Variants in ATOX1 observed in about 807,000 individuals in gnomAD.
The protein encoded by ATOX1 is antioxidant 1 copper chaperone.
Under a neutral mutation model 7.3 loss-of-function variants are expected in ATOX1, and 4 were observed. That is an observed-to-expected ratio of 0.55 (90% CI 0.27 to 1.25). The LOEUF is 1.25. ATOX1 is among the 50% of genes most tolerant of loss of function. The pLI is 0.12. For synonymous variants in ATOX1, 25 were observed against 28.7 expected, an observed-to-expected ratio of 0.87 and a Z score of 0.41; for missense variants, 68 against 81.6, an observed-to-expected ratio of 0.83 and a Z score of 0.64.
chr5:151,752,234 C>T, intron 1 of ATOX1: 2 of 702,538 alleles, frequency 2.8e-6, no homozygotes. Flanking sequence ...CTACAGCTTG[C>T]AAAAACTACA....
intron 2 of ATOX1, 87 bp downstream of exon 2, chr5:151,751,617 G>A (rs903597252): frequency 1.4e-6 from 2 of 1,387,468 alleles, no homozygotes; most frequent in Admixed American, 4.3e-5. Flanking sequence ...TTACTGTTAT[G>A]ATCAGCTTAA....
Position 151,751,969 on chromosome 5 carries a change from C to T in ATOX1, c.7-190G>A, listed in dbSNP as rs368468342. 3.9e-5 allele frequency: 24 copies of T among 608,578 alleles called. No individual in the cohort carries two copies. In the African/African-American group the frequency reaches 4.3e-4, roughly 11 times the overall value. The allele number at this position is 608,578 out of a possible 1,614,324, so 37.7% of individuals were successfully genotyped here. ...CTATAGAGTAGCTAAGAGTTTCTACCTCACAAGTTGTATTCAATGGAATCA... is the reference window on the plus strand; with the variant it reads ...CTATAGAGTAGCTAAGAGTTTCTACTTCACAAGTTGTATTCAATGGAATCA... On this transcript the variant is annotated intron_variant, in intron 1 of 3. Transcript: ENST00000313115.
At chr5:151,753,657 T>C (rs1017036839) in intron 1 of ATOX1, among the ~76,000 whole-genome samples, 2 of 152,162 alleles carry the variant, frequency 1.3e-5, no homozygotes. Context: ...GCTAACTCAA[T>C]TTTTTTCAAC....
chr5:151,753,034 C>T (rs1052049002), intron 1 of ATOX1, among the ~76,000 whole-genome samples: 7 of 152,212 alleles, frequency 4.6e-5, no homozygotes, highest in African/African-American at 1.7e-4. Flanking sequence ...TGACTTCTGT[C>T]TTGCTCCATT....
At chr5:151,757,477 GA>G (rs1762032608) in intron 1 of ATOX1, among the ~76,000 whole-genome samples, 1 of 152,200 alleles carries the variant, frequency 6.6e-6, no homozygotes, top group Non-Finnish European at 1.5e-5. Context: ...AGACCCACAG[GA>G]AATGACACCT....
At chr5:151,751,940 T>C in intron 1 of ATOX1, 161 bp from the exon 2 acceptor site, 1 of 644,822 alleles carries the variant, frequency 1.6e-6, no homozygotes, top group Non-Finnish European at 2.7e-6. Context: ...GCCCGTCTCT[T>C]CAACTATAGA....
intron 1 of ATOX1, 57 bp downstream of exon 1, chr5:151,758,489 G>A: frequency 1.4e-6 from 2 of 1,476,102 alleles, no homozygotes; most frequent in South Asian, 1.3e-5. Flanking sequence ...CGGCTGTGCA[G>A]CCGAGAAGCA....
chr5:151,756,285 G>A (rs900860953), intron 1 of ATOX1, among the ~76,000 whole-genome samples: 6 of 151,778 alleles, frequency 4.0e-5, no homozygotes, highest in African/African-American at 1.5e-4. Context: ...GAGATTTAGG[G>A]GTTAGTTCAC....
intron 1 of ATOX1, chr5:151,754,214 G>C (rs1195356920): frequency 3.3e-5 from 5 of 152,188 alleles, no homozygotes; most frequent in Non-Finnish European, 7.3e-5. Flanking sequence ...CAGAATCTCA[G>C]GTCCCTTCCC....
chr5:151,748,059 T>C (rs1341298712), intron 2 of ATOX1, among the ~76,000 whole-genome samples: 1 of 152,254 alleles, frequency 6.6e-6, no homozygotes, highest in Non-Finnish European at 1.5e-5. Flanking sequence ...AATATTGTTA[T>C]ACCATGAATT....
chr5:151,747,163 C>G (rs1761888264), intron 2 of ATOX1, among the ~76,000 whole-genome samples: 1 of 150,810 alleles, frequency 6.6e-6, no homozygotes, highest in Non-Finnish European at 1.5e-5. Context: ...TCACTGTGAA[C>G]AGTCTGGCTT....
At chr5:151,750,644 C>CTTTTTTTTTTTTTTTTTTTTTT (rs34586233) in intron 2 of ATOX1, among the ~76,000 whole-genome samples, 1 of 100,352 alleles carries the variant, frequency 1.0e-5, no homozygotes, top group African/African-American at 3.8e-5. Context: ...TTTTTTCTTT[C>CTTTTTTTTTTTTTTTTTTTTTT]TTTTTTTTTT....
chr5:151,752,182 C>T (rs1250226622), intron 1 of ATOX1: 1 of 694,436 alleles, frequency 1.4e-6, no homozygotes, highest in Non-Finnish European at 2.6e-6. Flanking sequence ...ATCTGGTGGG[C>T]CCACTTATGA....
At chr5:151,748,962 C>T (rs572833212) in intron 2 of ATOX1, among the ~76,000 whole-genome samples, 135 of 152,092 alleles carry the variant, frequency 8.9e-4, no homozygotes, top group Non-Finnish European at 1.7e-3. Flanking sequence ...AAAAAATAGC[C>T]GGGTGTGGTC....
intron 2 of ATOX1, 130 bp downstream of exon 2, chr5:151,751,574 T>C: frequency 4.9e-6 from 4 of 812,704 alleles, no homozygotes; most frequent in Non-Finnish European, 7.6e-6. Context: ...CAAGAGTAGT[T>C]GGCACGTGCT....
chr5:151,755,273 A>C (rs1019763902), intron 1 of ATOX1, among the ~76,000 whole-genome samples: 7 of 152,178 alleles, frequency 4.6e-5, no homozygotes, highest in Non-Finnish European at 1.0e-4. Context: ...TGTCTATTAC[A>C]TGTCAAATTA....
At chr5:151,747,486 T>A (rs1456375670) in intron 2 of ATOX1, among the ~76,000 whole-genome samples, 91 of 152,142 alleles carry the variant, frequency 6.0e-4, no homozygotes, top group Non-Finnish European at 1.5e-5. Flanking sequence ...GGGTTTCGCA[T>A]ATTGCCCAGG....
rs1202732384 is a variant in ATOX1, at chr5:151,758,568, G to C, written c.-17C>G. 1.4e-6 allele frequency: 2 copies of C among 1,414,644 alleles called. No homozygotes were observed. Among genetic ancestry groups the C allele is most frequent in the South Asian group, 3.1e-5 (2 of 63,538 alleles). The allele number at this position is 1,414,644 out of a possible 1,614,324, so 87.6% of individuals were successfully genotyped here. ...CACCGGCATGACTGAGGCAGCGGCGGTGTGGCGGCGGTGTGGCGGCGGTGT... is the reference window on the plus strand; with the variant it reads ...CACCGGCATGACTGAGGCAGCGGCGCTGTGGCGGCGGTGTGGCGGCGGTGT... On this transcript the variant is annotated 5_prime_UTR_variant, in exon 1 of 4. Transcript: ENST00000313115.
At chr5:151,746,651 T>G in intron 2 of ATOX1, 1 of 551,220 alleles carries the variant, frequency 1.8e-6, no homozygotes. Flanking sequence ...TGTTGTATAT[T>G]CTGTGTATTT....
Sources: gnomAD v4.1 joint callset for allele counts (sites outside exome capture counted in the v4.1 genomes callset) on GRCh38, gnomAD v4.1.1 for gene constraint, MANE v1.5 for transcripts, NCBI Gene and HGNC (gene_info 2026-07-23, HGNC 2026-07-21) for gene names.